EFNB2: variants seen among roughly 807,000 people sequenced by gnomAD.
EFNB2 encodes ephrin-B2.
EFNB2 carries 5 observed loss-of-function variants against 32.1 expected under a neutral mutation model. The observed-to-expected ratio is 0.16, with a 90% confidence interval of 0.08 to 0.33. The LOEUF is 0.33. Among genes scored for constraint, EFNB2 ranks in the 10% least tolerant of loss-of-function variants. EFNB2 has a pLI of 1.00. For synonymous variants in EFNB2, 168 were observed against 166.5 expected (o/e 1.01, Z -0.07); for missense variants, 263 against 422.6 (o/e 0.62, Z 3.31).
At chr13:106,504,798 T>C (rs1878895824) in intron 2 of EFNB2, among the ~76,000 whole-genome samples, 1 of 152,200 alleles carries the variant, frequency 6.6e-6, no homozygotes, top group Non-Finnish European at 1.5e-5. Context: ...CACTTGTACT[T>C]GGCTAAGGGA....
chr13:106,511,104 T>G (rs776190281), intron 2 of EFNB2, among the ~76,000 whole-genome samples: 2 of 152,242 alleles, frequency 1.3e-5, no homozygotes, highest in Non-Finnish European at 2.9e-5. Flanking sequence ...GGTAACTATT[T>G]TACATTTTCA....
At chr13:106,501,994 T>C (rs1159353896) in intron 2 of EFNB2, among the ~76,000 whole-genome samples, 1 of 152,246 alleles carries the variant, frequency 6.6e-6, no homozygotes, top group African/African-American at 2.4e-5. Context: ...TGATTAACTC[T>C]TATTTTGCAT....
intron 1 of EFNB2, among the ~76,000 whole-genome samples, chr13:106,526,459 A>G (rs1167110387): frequency 6.6e-6 from 1 of 152,174 alleles, no homozygotes; most frequent in East Asian, 1.9e-4. Flanking sequence ...GTGCTGTGGG[A>G]TTATGAAGAA....
intron 1 of EFNB2, chr13:106,520,743 T>G (rs187049417): frequency 6.7e-6 from 1 of 148,296 alleles, no homozygotes; most frequent in East Asian, 2.0e-4. Context: ...ACACAGGCAG[T>G]AATAAGAAAT....
At position 106,489,898 on chromosome 13, in the gene EFNB2, CAAAG is replaced by C. The variant is rs779757154; in HGVS notation, c.*3138_*3141del. ...CCTATGACAGGCTATTAAAATAAAA[CAAAG>C]AAAGAAAAAAATATTTATAACTCAG... On this transcript the variant is annotated 3_prime_UTR_variant, in exon 5 of 5. Coordinates refer to ENST00000646441, the MANE Select transcript of EFNB2 (RefSeq NM_004093.4). The C allele has an allele frequency of 2.0e-5, 3 of 152,234 alleles. No homozygotes were observed. The highest frequency in any genetic ancestry group is 2.1e-4 in the South Asian group (1 of 4,822). 9.4% of individuals were successfully genotyped at this position (152,234 alleles called of 1,614,324 possible).
At chr13:106,519,579 T>C (rs1292701886) in intron 1 of EFNB2, 1 of 152,234 alleles carries the variant, frequency 6.6e-6, no homozygotes, top group East Asian at 1.9e-4. Flanking sequence ...GTGTATATGA[T>C]CATTGTAAGC....
At chr13:106,504,415 C>G (rs1005181279) in intron 2 of EFNB2, among the ~76,000 whole-genome samples, 2 of 152,086 alleles carry the variant, frequency 1.3e-5, no homozygotes, top group Non-Finnish European at 2.9e-5. Flanking sequence ...TGGACACACA[C>G]AGCTTAGATG....
In EFNB2 at chr13:106,490,713, C is replaced by T. The variant is rs1310830591; in HGVS notation, c.*2327G>A. 6.6e-6 allele frequency: 1 copy of T among 151,790 alleles called. No individual in the cohort carries two copies. Among genetic ancestry groups the T allele is most frequent in the Middle Eastern group, 3.2e-3 (1 of 314 alleles). 9.4% of individuals were successfully genotyped at this position (151,790 alleles called of 1,614,324 possible). ...ATTACATATGTACTGTGGCTGGTTA[C>T]CATGGCAACCCTCCACAGAAATATG... On this transcript the variant is annotated 3_prime_UTR_variant, in exon 5 of 5. Coordinates refer to ENST00000646441, the MANE Select transcript of EFNB2 (RefSeq NM_004093.4).
At position 106,493,137 on chromosome 13, in the gene EFNB2, G is replaced by A; in HGVS notation, c.905C>T (p.Pro302Leu). ...PLRTADSVFC[P>L]HYEKVSGDYG... Reference sequence around the variant, plus strand: ...GTCCCCGCTGACCTTCTCGTAGTGAGGGCAGAAGACGCTGTCCGCAGTCCT... The same window carrying A: ...GTCCCCGCTGACCTTCTCGTAGTGAAGGCAGAAGACGCTGTCCGCAGTCCT... Residue 302 changes from proline (P) to leucine (L), a missense_variant, in exon 5 of 5, where the codon CCT becomes CTT. This residue lies in a region of EFNB2 where 172 missense variants were observed against 237.1 expected (regional missense o/e 0.73). Transcript: ENST00000646441. This position sits in a 1 kb window ranked among gnomAD's most constrained non-coding sequence, Gnocchi z 6.1. 1 of 1,614,054 alleles carries A rather than the reference G, an allele frequency of 6.2e-7. No individual in the cohort carries two copies. Among genetic ancestry groups the A allele is most frequent in the East Asian group, 2.2e-5 (1 of 44,870 alleles).
chr13:106,532,024 C>A (rs1398475610), intron 1 of EFNB2, among the ~76,000 whole-genome samples: 1 of 142,276 alleles, frequency 7.0e-6, no homozygotes, highest in African/African-American at 2.7e-5. Flanking sequence ...AAGTTAAAAA[C>A]GGAAGCTAGG....
intron 2 of EFNB2, among the ~76,000 whole-genome samples, chr13:106,502,733 C>T (rs993771953): frequency 3.9e-5 from 6 of 152,140 alleles, no homozygotes; most frequent in South Asian, 2.1e-4. Context: ...CATTAAAAAC[C>T]GTATGAATGT....
intron 2 of EFNB2, among the ~76,000 whole-genome samples, chr13:106,502,681 C>T (rs1169037474): frequency 2.0e-5 from 3 of 152,220 alleles, no homozygotes; most frequent in African/African-American, 4.8e-5. Context: ...ACATCTAGAA[C>T]AGGAGAAATT....
chr13:106,510,516 G>C lies in EFNB2; in HGVS notation c.406+2013C>G, dbSNP rs372907554. On this transcript the variant is annotated intron_variant, in intron 2 of 4. Transcript: ENST00000646441. ...GTGTGTCGGCATTATCGGTGGACGT[G>C]GGCTGCATCCACGCATTAGGGACAT... Among the ~76,000 whole-genome samples the C allele has an allele frequency of 2.2e-4, 34 of 152,260 alleles. No individual in the cohort carries two copies. In the South Asian group the frequency reaches 6.6e-3, roughly 30 times the overall value.
intron 1 of EFNB2, among the ~76,000 whole-genome samples, chr13:106,523,363 C>A (rs1879598590): frequency 1.3e-5 from 2 of 152,162 alleles, no homozygotes; most frequent in South Asian, 4.1e-4. Context: ...CCTGCTTAGT[C>A]ACCACATTCA....
chr13:106,525,840 A>G (rs1879681959), intron 1 of EFNB2, among the ~76,000 whole-genome samples: 2 of 152,216 alleles, frequency 1.3e-5, no homozygotes, highest in Non-Finnish European at 2.9e-5. Context: ...CAGGCCTAAC[A>G]CTTAATAGTT....
chr13:106,495,655 C>A (rs1263141374), intron 3 of EFNB2, 93 bp downstream of exon 3: 1 of 1,199,134 alleles, frequency 8.3e-7, no homozygotes, highest in Admixed American at 2.2e-5. Context: ...AAAAGAAGAG[C>A]GAATGAAGGT....
intron 1 of EFNB2, chr13:106,516,410 T>C (rs1447611058): frequency 6.6e-6 from 1 of 152,310 alleles, no homozygotes; most frequent in Non-Finnish European, 1.5e-5. Context: ...CACTTGCTTT[T>C]GGCTCAGCAC....
intron 2 of EFNB2, among the ~76,000 whole-genome samples, chr13:106,504,447 ATGT>A (rs1348848089): frequency 6.6e-6 from 1 of 152,212 alleles, no homozygotes; most frequent in African/African-American, 2.4e-5. Flanking sequence ...TTAGATGGAC[ATGT>A]TGTTTGCTTT....
chr13:106,496,146 C>T (rs1205853478), intron 2 of EFNB2, among the ~76,000 whole-genome samples: 1 of 152,172 alleles, frequency 6.6e-6, no homozygotes, highest in Non-Finnish European at 1.5e-5. Flanking sequence ...GGGATGGCAT[C>T]CTTCAAAAAG....
Sources: gnomAD v4.1 joint callset for allele counts (sites outside exome capture counted in the v4.1 genomes callset) on GRCh38, gnomAD v4.1.1 for gene constraint, gnomAD v4.1.1 regional missense constraint, Gnocchi (gnomAD v3.1) non-coding constraint, MANE v1.5 for transcripts, NCBI Gene and HGNC (gene_info 2026-07-23, HGNC 2026-07-21) for gene names.